AOPEP: variants seen among roughly 807,000 people sequenced by gnomAD.
AOPEP encodes aminopeptidase O (putative), also known as aminopeptidase O.
AOPEP carries 77 observed loss-of-function variants against 98.1 expected under a neutral mutation model. The ratio of observed to expected loss-of-function variants is 0.78; its 90% CI spans 0.65 to 0.95. The LOEUF is 0.95. Ranked by LOEUF, AOPEP falls within the 40% of genes least tolerant of loss-of-function variation. AOPEP has a pLI of 0.00. For synonymous variants in AOPEP, 346 were observed against 365.3 expected (o/e 0.95, Z 0.60); for missense variants, 1,024 against 1,024.7 (o/e 1.00, Z 0.01).
intron 7 of AOPEP, among the ~76,000 whole-genome samples, chr9:94,935,648 C>G (rs1431523387): frequency 6.6e-6 from 1 of 152,144 alleles, no homozygotes; most frequent in African/African-American, 2.4e-5. Context: ...CTCAGGCAAC[C>G]CCAGGGCCAC....
intron 14 of AOPEP, among the ~76,000 whole-genome samples, chr9:95,078,213 C>G (rs2069301431): frequency 6.6e-6 from 1 of 152,154 alleles, no homozygotes. Flanking sequence ...AGAGCCTCTT[C>G]CACCCGCCAT....
At chr9:94,945,790 T>C (rs2057552110) in intron 7 of AOPEP, among the ~76,000 whole-genome samples, 1 of 152,200 alleles carries the variant, frequency 6.6e-6, no homozygotes, top group Admixed American at 6.5e-5. Context: ...CCAATGTTTG[T>C]CTCATTTGCC....
At chr9:94,758,867 A>C (rs759296238) in intron 1 of AOPEP, among the ~76,000 whole-genome samples, 10 of 152,074 alleles carry the variant, frequency 6.6e-5, no homozygotes, top group Non-Finnish European at 1.2e-4. Flanking sequence ...ATTTTATTGT[A>C]ACATCTGTTT....
intron 5 of AOPEP, among the ~76,000 whole-genome samples, chr9:94,808,342 A>C (rs889727229): frequency 6.6e-6 from 1 of 152,178 alleles, no homozygotes; most frequent in African/African-American, 2.4e-5. Flanking sequence ...GCCCAGCCTC[A>C]GCTTTTCTTT....
At chr9:95,032,778 G>A (rs1387299083) in intron 13 of AOPEP, among the ~76,000 whole-genome samples, 3 of 152,194 alleles carry the variant, frequency 2.0e-5, no homozygotes, top group Non-Finnish European at 4.4e-5. Context: ...GTGGTTTGGA[G>A]TTGTTCCCAC....
intron 16 of AOPEP, chr9:95,086,454 C>T (rs1001236818): frequency 2.8e-5 from 28 of 985,284 alleles, no homozygotes; most frequent in Admixed American, 6.1e-5. Flanking sequence ...CTATTGTGTA[C>T]GCAAAGCCTG....
At chr9:95,048,538 G>A (rs886841914) in intron 13 of AOPEP, among the ~76,000 whole-genome samples, 3 of 152,048 alleles carry the variant, frequency 2.0e-5, no homozygotes, top group Non-Finnish European at 4.4e-5. Flanking sequence ...GACAGCACCG[G>A]GACCGACCAC....
chr9:94,897,639 CAAAT>C (rs771273453), intron 5 of AOPEP, among the ~76,000 whole-genome samples: 3 of 152,022 alleles, frequency 2.0e-5, no homozygotes, highest in African/African-American at 7.2e-5. Flanking sequence ...GGGGTGTAGA[CAAAT>C]AAAGGGCTAA....
chr9:94,764,749 G>A (rs1839168756), intron 2 of AOPEP, among the ~76,000 whole-genome samples: 1 of 152,186 alleles, frequency 6.6e-6, no homozygotes, highest in African/African-American at 2.4e-5. Context: ...GTGTGTAAAT[G>A]TATCAGTATT....
intron 5 of AOPEP, among the ~76,000 whole-genome samples, chr9:94,813,879 C>T (rs955634186): frequency 8.5e-5 from 13 of 152,198 alleles, no homozygotes; most frequent in African/African-American, 2.7e-4. Flanking sequence ...GGGACCTCCA[C>T]CCTGGCTGTG....
chr9:95,138,048 A>G, the AOPEP span, among the ~76,000 whole-genome samples: 1 of 152,236 alleles, frequency 6.6e-6, no homozygotes, highest in African/African-American at 2.4e-5. Flanking sequence ...GAGGAGTGGG[A>G]AAGGCTGAAA....
intron 13 of AOPEP, among the ~76,000 whole-genome samples, chr9:95,031,692 T>C (rs149208043): frequency 9.8e-4 from 150 of 152,298 alleles, no homozygotes; most frequent in East Asian, 9.1e-3. Flanking sequence ...TTAAATCCTG[T>C]TCAAGCCCGA....
At chr9:94,742,942 G>A (rs1460777885) in intron 1 of AOPEP, among the ~76,000 whole-genome samples, 1 of 152,116 alleles carries the variant, frequency 6.6e-6, no homozygotes, top group African/African-American at 2.4e-5. Context: ...AGAGATCAGA[G>A]CTGGATAGCA....
the AOPEP span, among the ~76,000 whole-genome samples, chr9:95,120,316 GC>G: frequency 6.6e-6 from 1 of 152,058 alleles, no homozygotes; most frequent in African/African-American, 2.4e-5. Flanking sequence ...AAATCAGTTG[GC>G]CACATATGTA....
chr9:94,783,005 C>T (rs1198828133), intron 3 of AOPEP, among the ~76,000 whole-genome samples: 1 of 152,182 alleles, frequency 6.6e-6, no homozygotes, highest in Non-Finnish European at 1.5e-5. Flanking sequence ...ACTTGACATT[C>T]ATGAATGTTC....
At chr9:94,804,957 C>G (rs967180294) in intron 5 of AOPEP, among the ~76,000 whole-genome samples, 1 of 152,108 alleles carries the variant, frequency 6.6e-6, no homozygotes, top group African/African-American at 2.4e-5. Flanking sequence ...AAAAGCACTC[C>G]GGTCCACAGG....
At position 94,898,583 on chromosome 9, in the gene AOPEP, G is replaced by C. The variant is rs2049907616; in HGVS notation, c.1365-25403G>C. Among the ~76,000 whole-genome samples, 3 of 149,506 alleles carry C rather than the reference G, an allele frequency of 2.0e-5. No homozygotes were observed. In the South Asian group the frequency reaches 6.5e-4, roughly 32 times the overall value. On this transcript the variant is annotated intron_variant, in intron 5 of 16. Transcript: ENST00000375315. ...AGGAGGTGGAGCTTGCAGTGAGCCA[G>C]ATCGCGCCATTGCACTCCAGCCTGG...
intron 13 of AOPEP, among the ~76,000 whole-genome samples, chr9:95,042,347 AATAC>A (rs1214147786): frequency 3.3e-5 from 5 of 151,690 alleles, no homozygotes; most frequent in Admixed American, 6.6e-5. Context: ...TAAATACATA[AATAC>A]ATAAATAAAT....
chr9:94,967,301 A>T (rs1473815714), intron 9 of AOPEP, among the ~76,000 whole-genome samples: 1 of 152,158 alleles, frequency 6.6e-6, no homozygotes, highest in Admixed American at 6.6e-5. Flanking sequence ...TTGTTCCTTG[A>T]TGGCATATTT....
Sources: gnomAD v4.1 joint callset for allele counts (sites outside exome capture counted in the v4.1 genomes callset) on GRCh38, gnomAD v4.1.1 for gene constraint, MANE v1.5 for transcripts, NCBI Gene and HGNC (gene_info 2026-07-23, HGNC 2026-07-21) for gene names.